The following MKLN1 variants were observed in gnomAD, a reference collection of about 807,000 sequenced individuals.
MKLN1 encodes the protein muskelin 1.
In MKLN1, 18 loss-of-function variants were observed where a neutral mutation model predicts 99.0. That is an observed-to-expected ratio of 0.18 (90% CI 0.13 to 0.27). The LOEUF is 0.27. Ranked by LOEUF, MKLN1 falls within the 10% of genes least tolerant of loss-of-function variation. The probability of loss-of-function intolerance (pLI) is 1.00; values close to 1 mark genes in which losing one functional copy is unlikely to be tolerated. For synonymous variants in MKLN1, 288 were observed against 293.2 expected, an observed-to-expected ratio of 0.98 and a Z score of 0.18; for missense variants, 621 against 875.9, an observed-to-expected ratio of 0.71 and a Z score of 3.67.
At chr7:131,422,320 G>A (rs1795230136) in intron 8 of MKLN1, among the ~76,000 whole-genome samples, 2 of 152,186 alleles carry the variant, frequency 1.3e-5, no homozygotes, top group African/African-American at 4.8e-5. Context: ...TGCTGAGGTG[G>A]AAGGATCACT....
At chr7:131,470,053 G>C (rs1796775381) in intron 15 of MKLN1, among the ~76,000 whole-genome samples, 1 of 152,208 alleles carries the variant, frequency 6.6e-6, no homozygotes, top group East Asian at 1.9e-4. Flanking sequence ...TTTTTGTAGA[G>C]ATGGGGTTTT....
chr7:131,387,970 C>T (rs1225521638), intron 3 of MKLN1, among the ~76,000 whole-genome samples: 1 of 152,050 alleles, frequency 6.6e-6, no homozygotes, highest in East Asian at 1.9e-4. Flanking sequence ...AGTTCAAGAC[C>T]AGCCTGGCCA....
At chr7:131,362,354 A>C (rs1376496867) in intron 1 of MKLN1, among the ~76,000 whole-genome samples, 1 of 152,076 alleles carries the variant, frequency 6.6e-6, no homozygotes, top group African/African-American at 2.4e-5. Context: ...AATGCGGTTC[A>C]TGACTGTTGT....
At chr7:131,264,658 T>A (rs552326428) in intron 3 of MKLN1, among the ~76,000 whole-genome samples, 1 of 152,284 alleles carries the variant, frequency 6.6e-6, no homozygotes, top group South Asian at 2.1e-4. Flanking sequence ...TGGGTTTTTT[T>A]TCTTTTTAGT....
chr7:131,161,561 A>AT (rs889142284), intron 2 of MKLN1, among the ~76,000 whole-genome samples: 6 of 151,742 alleles, frequency 4.0e-5, no homozygotes, highest in East Asian at 1.9e-4. Flanking sequence ...TTTATTTTTT[A>AT]TTTTTTTTGA....
intron 6 of MKLN1, among the ~76,000 whole-genome samples, chr7:131,408,202 A>G (rs559409476): frequency 1.3e-5 from 2 of 152,220 alleles, no homozygotes; most frequent in South Asian, 2.1e-4. Flanking sequence ...CTCTATCTCT[A>G]AGCTTTACCG....
At chr7:131,120,739 C>G (rs925281203) in intron 1 of MKLN1, among the ~76,000 whole-genome samples, 2 of 152,116 alleles carry the variant, frequency 1.3e-5, no homozygotes, top group African/African-American at 2.4e-5. Context: ...CTGAGACCAC[C>G]TCAGCCAGGA....
intron 3 of MKLN1, among the ~76,000 whole-genome samples, chr7:131,221,650 G>T (rs1046434593): frequency 1.3e-5 from 2 of 151,116 alleles, no homozygotes; most frequent in Admixed American, 1.3e-4. Flanking sequence ...TGGGATTACA[G>T]GTGTGTGCCA....
rs566515398 is a variant in MKLN1 at position 131,374,099 on chromosome 7, CATG to C, written c.99-1322_99-1320del. On this transcript the variant is annotated intron_variant, in intron 1 of 17. Coordinates refer to ENST00000352689, the MANE Select transcript of MKLN1 (RefSeq NM_013255.5). ...CCTGTCATTCTCTGTGACCCTTTGA[CATG>C]ATCCATACTGCTCCCTTCTTCTGCC... Among the ~76,000 whole-genome samples the C allele has an allele frequency of 2.6e-5, 4 of 152,274 alleles. No individual in the cohort carries two copies. In the East Asian group the frequency reaches 7.7e-4, roughly 29 times the overall value.
rs1317480119 is a variant in MKLN1, at chr7:131,488,434, A to G, written c.*706A>G. On this transcript the variant is annotated 3_prime_UTR_variant, in exon 18 of 18. Coordinates refer to ENST00000352689, the MANE Select transcript of MKLN1 (RefSeq NM_013255.5). ...TGGTATATAATATTTCTATAATGATATATTTTATAGTAGATATTACAATAG... is the reference window on the plus strand; with the variant it reads ...TGGTATATAATATTTCTATAATGATGTATTTTATAGTAGATATTACAATAG... 2 of 152,572 alleles carry G rather than the reference A, an allele frequency of 1.3e-5. No homozygotes were observed. Among genetic ancestry groups the G allele is most frequent in the African/African-American group, 4.8e-5 (2 of 41,446 alleles). 9.5% of individuals were successfully genotyped at this position (152,572 alleles called of 1,614,324 possible).
chr7:131,460,323 A>G (rs1796478288), intron 12 of MKLN1, among the ~76,000 whole-genome samples: 1 of 152,198 alleles, frequency 6.6e-6, no homozygotes, highest in Non-Finnish European at 1.5e-5. Flanking sequence ...AAAGGACTGT[A>G]TCAATTAAGA....
intron 6 of MKLN1, among the ~76,000 whole-genome samples, chr7:131,400,683 A>G (rs368792567): frequency 6.6e-6 from 1 of 151,836 alleles, no homozygotes; most frequent in African/African-American, 2.4e-5. Flanking sequence ...AAGCAAAACA[A>G]CAGCCACAGG....
rs189890320 is a variant in MKLN1 at position 131,345,137 on chromosome 7, C to T, written c.98+17140C>T. Among the ~76,000 whole-genome samples, 124 of 152,154 alleles carry T rather than the reference C, an allele frequency of 8.1e-4. 1 individual carries two copies. The highest frequency in any genetic ancestry group is 6.8e-3 in the Middle Eastern group (2 of 294). ...ATCATAAATATTTTTAATGATAGCTCGTTATGCGATTTTTGGCATGTAATT... is the reference window on the plus strand; with the variant it reads ...ATCATAAATATTTTTAATGATAGCTTGTTATGCGATTTTTGGCATGTAATT... On this transcript the variant is annotated intron_variant, in intron 1 of 17. Coordinates refer to ENST00000352689, the MANE Select transcript of MKLN1 (RefSeq NM_013255.5).
At chr7:131,294,482 G>T (rs1798262924) in intron 3 of MKLN1, among the ~76,000 whole-genome samples, 1 of 152,110 alleles carries the variant, frequency 6.6e-6, no homozygotes, top group African/African-American at 2.4e-5. Flanking sequence ...ATAAAAAATT[G>T]GGGAAAGAAC....
chr7:131,364,629 C>T (rs772010097), intron 1 of MKLN1, among the ~76,000 whole-genome samples: 7 of 152,060 alleles, frequency 4.6e-5, no homozygotes, highest in Non-Finnish European at 1.0e-4. Context: ...TCATTCCTCC[C>T]ACCCTCCACC....
chr7:131,351,316 T>A (rs566597293), intron 1 of MKLN1, among the ~76,000 whole-genome samples: 5 of 152,272 alleles, frequency 3.3e-5, no homozygotes, highest in African/African-American at 1.2e-4. Context: ...ATCCATTGAT[T>A]TGTTGAAGAA....
At chr7:131,284,173 G>A (rs138053372) in intron 3 of MKLN1, among the ~76,000 whole-genome samples, 3 of 152,246 alleles carry the variant, frequency 2.0e-5, no homozygotes, top group Admixed American at 1.3e-4. Context: ...TAGGATATGC[G>A]CACTTCCGAC....
At chr7:131,235,188 C>T (rs1797301218) in intron 3 of MKLN1, among the ~76,000 whole-genome samples, 1 of 152,112 alleles carries the variant, frequency 6.6e-6, no homozygotes, top group Non-Finnish European at 1.5e-5. Flanking sequence ...CTCTTTCACT[C>T]TATCTCTGTC....
chr7:131,214,540 A>G (rs1392642071), intron 3 of MKLN1, among the ~76,000 whole-genome samples: 1 of 152,198 alleles, frequency 6.6e-6, no homozygotes, highest in African/African-American at 2.4e-5. Context: ...GAAAGATGAA[A>G]AGGTCCCAGG....
Sources: gnomAD v4.1 joint callset for allele counts (sites outside exome capture counted in the v4.1 genomes callset) on GRCh38, gnomAD v4.1.1 for gene constraint, MANE v1.5 for transcripts, NCBI Gene and HGNC (gene_info 2026-07-23, HGNC 2026-07-21) for gene names.